Variants in ABCC1 observed in about 807,000 individuals in gnomAD.
ABCC1 encodes ATP binding cassette subfamily C member 1 (ABCC1 blood group), also known as multidrug resistance-associated protein 1.
ABCC1 carries 83 observed loss-of-function variants against 172.9 expected under a neutral mutation model. The observed-to-expected ratio is 0.48, with a 90% CI of 0.40 to 0.58. ABCC1 has a LOEUF of 0.58. Among genes scored for constraint, ABCC1 ranks in the 20% least tolerant of loss-of-function variants. The pLI is 0.00. For missense variants in ABCC1, 1,817 were observed against 2,002.7 expected (o/e 0.91, Z 1.77); for synonymous variants, 937 against 825.2 (o/e 1.14, Z -2.32).
At chr16:16,038,611 G>A (rs763352733) in intron 7 of ABCC1, among the ~76,000 whole-genome samples, 28 of 152,132 alleles carry the variant, frequency 1.8e-4, no homozygotes, top group Non-Finnish European at 7.3e-5. Flanking sequence ...TGCCAGTCTC[G>A]TCTGGAAACA....
At chr16:15,992,873 A>T (rs1162744895) in intron 1 of ABCC1, among the ~76,000 whole-genome samples, 1 of 151,984 alleles carries the variant, frequency 6.6e-6, no homozygotes, top group Non-Finnish European at 1.5e-5. Flanking sequence ...GTCCTAGCTC[A>T]TTGGTGCAGC....
chr16:15,950,948 G>T (rs2045857669), intron 1 of ABCC1, among the ~76,000 whole-genome samples: 2 of 152,010 alleles, frequency 1.3e-5, no homozygotes, highest in South Asian at 4.2e-4. Flanking sequence ...TTTTAGTAGG[G>T]TATCATTGTG....
chr16:16,099,110 C>A (rs1438011336), intron 19 of ABCC1, among the ~76,000 whole-genome samples: 1 of 152,206 alleles, frequency 6.6e-6, no homozygotes, highest in East Asian at 1.9e-4. Context: ...GCCTGAGTCC[C>A]CAGATCCCTT....
chr16:16,021,337 TTTTGGGGGGTTAAATA>T, intron 5 of ABCC1, among the ~76,000 whole-genome samples: 1 of 151,884 alleles, frequency 6.6e-6, no homozygotes, highest in Non-Finnish European at 1.5e-5. Context: ...TAATGTTGCA[TTTTGGGGGGTTAAATA>T]TATGTAACCT....
intron 12 of ABCC1, among the ~76,000 whole-genome samples, chr16:16,059,808 C>G (rs923732528): frequency 1.3e-5 from 2 of 151,112 alleles, no homozygotes; most frequent in Non-Finnish European, 3.0e-5. Flanking sequence ...TTTCCTGCTG[C>G]TGCCCCCCCA....
chr16:16,107,744 A>G (rs570714767), intron 21 of ABCC1, among the ~76,000 whole-genome samples: 7 of 152,134 alleles, frequency 4.6e-5, no homozygotes, highest in African/African-American at 4.8e-5. Flanking sequence ...AAGATCGTCT[A>G]TTTTGGGCAA....
rs368171013 is a variant in ABCC1 at position 16,071,821 on chromosome 16, C to G, written c.1912+92C>G. 1.6e-5 allele frequency: 20 copies of G among 1,227,896 alleles called. No individual in the cohort carries two copies. In the Admixed American group the frequency reaches 4.0e-4, roughly 24 times the overall value. 76.1% of individuals were successfully genotyped at this position (1,227,896 alleles called of 1,614,324 possible). The stretch of plus-strand genomic sequence containing the variant: ...ACTTGCATTTCTTTCCCTTGGCTGC[C>G]CTCAGGTTTGACTCTGCCCAGCCGC... On this transcript the variant is annotated intron_variant, in intron 14 of 30. Transcript: ENST00000399410.
At chr16:16,050,729 C>CAAAA (rs35207136) in intron 10 of ABCC1, among the ~76,000 whole-genome samples, 9 of 66,564 alleles carry the variant, frequency 1.4e-4, no homozygotes, top group Admixed American at 3.7e-4. Flanking sequence ...CCTGTCTCTA[C>CAAAA]AAAAAAAAAA....
chr16:16,066,544 T>G (rs1380266390), intron 12 of ABCC1, among the ~76,000 whole-genome samples: 2 of 152,148 alleles, frequency 1.3e-5, no homozygotes. Flanking sequence ...GTATAAGAAT[T>G]TCACTCCTTT....
chr16:15,971,830 G>T (rs2046377091), intron 1 of ABCC1, among the ~76,000 whole-genome samples: 1 of 152,180 alleles, frequency 6.6e-6, no homozygotes, highest in South Asian at 2.1e-4. Context: ...AGGGTTCTTG[G>T]TCCTCATGCC....
At chr16:16,074,459 CGGTGGGTGGGG>C (rs1347772068) in intron 14 of ABCC1, among the ~76,000 whole-genome samples, 4 of 152,128 alleles carry the variant, frequency 2.6e-5, no homozygotes, top group African/African-American at 9.7e-5. Flanking sequence ...AGGTGGCCGG[CGGTGGGTGGGG>C]GGTGGTTTCT....
intron 18 of ABCC1, 119 bp downstream of exon 18, chr16:16,087,110 T>C (rs1395975479): frequency 4.3e-6 from 5 of 1,157,804 alleles, no homozygotes; most frequent in South Asian, 3.1e-5. Flanking sequence ...AATTGGACTT[T>C]AAAGAACACA....
intron 7 of ABCC1, among the ~76,000 whole-genome samples, chr16:16,039,396 G>C (rs1342191011): frequency 6.6e-6 from 1 of 150,574 alleles, no homozygotes; most frequent in Non-Finnish European, 1.5e-5. Flanking sequence ...GTCTCCCAAA[G>C]TGCTGGGATT....
At chr16:16,034,747 C>A (rs560455709) in intron 6 of ABCC1, among the ~76,000 whole-genome samples, 1 of 152,030 alleles carries the variant, frequency 6.6e-6, no homozygotes, top group East Asian at 1.9e-4. Flanking sequence ...GCCACCACAT[C>A]CAGCTAATTT....
At chr16:15,965,861 A>G (rs1165779495) in intron 1 of ABCC1, among the ~76,000 whole-genome samples, 1 of 152,162 alleles carries the variant, frequency 6.6e-6, no homozygotes, top group Non-Finnish European at 1.5e-5. Flanking sequence ...TGCTGGGATT[A>G]CAGGCGAGAG....
chr16:16,129,850 A>G (rs1219064541), intron 26 of ABCC1, among the ~76,000 whole-genome samples: 15 of 152,238 alleles, frequency 9.9e-5, no homozygotes, highest in Admixed American at 9.8e-4. Context: ...CTGTGATTTT[A>G]TAGCACGTCC....
intron 9 of ABCC1, among the ~76,000 whole-genome samples, chr16:16,047,885 G>T (rs1302687929): frequency 6.7e-6 from 1 of 148,220 alleles, no homozygotes; most frequent in African/African-American, 2.5e-5. Context: ...AGCATGCGAA[G>T]CCCTGGTTTC....
intron 14 of ABCC1, among the ~76,000 whole-genome samples, chr16:16,074,093 A>G (rs928310987): frequency 6.6e-6 from 1 of 152,076 alleles, no homozygotes; most frequent in Admixed American, 6.6e-5. Flanking sequence ...GGGGTTTTTT[A>G]TCCTGGGCGC....
chr16:16,132,988 C>A (rs2045764472), intron 27 of ABCC1, among the ~76,000 whole-genome samples: 1 of 152,180 alleles, frequency 6.6e-6, no homozygotes, highest in Admixed American at 6.5e-5. Context: ...TCACCCCAGT[C>A]CCTCCCTGTC....
Sources: gnomAD v4.1 joint callset for allele counts (sites outside exome capture counted in the v4.1 genomes callset) on GRCh38, gnomAD v4.1.1 for gene constraint, MANE v1.5 for transcripts, NCBI Gene and HGNC (gene_info 2026-07-23, HGNC 2026-07-21) for gene names.